CSMD1: variants seen among roughly 807,000 people sequenced by gnomAD.
CSMD1 encodes the protein CUB and sushi domain-containing protein 1.
CSMD1 carries 213 observed loss-of-function variants against 417.5 expected under a neutral mutation model. That is an observed-to-expected ratio of 0.51 (90% confidence interval 0.46 to 0.57). The LOEUF is 0.57. Among genes scored for constraint, CSMD1 ranks in the 20% least tolerant of loss-of-function variants. CSMD1 has a pLI of 0.00. For missense variants in CSMD1, 6,923 were observed against 4,529.7 expected (o/e 1.53, Z -15.17); for synonymous variants, 2,862 against 1,736.8 (o/e 1.65, Z -16.11).
intron 37 of CSMD1, among the ~76,000 whole-genome samples, chr8:3,168,659 A>C (rs2129042908): frequency 6.6e-6 from 1 of 152,260 alleles, no homozygotes; most frequent in African/African-American, 2.4e-5. Context: ...ACACAAATAT[A>C]TATATATATG....
chr8:4,728,012 T>A (rs960327294), intron 1 of CSMD1, among the ~76,000 whole-genome samples: 1 of 145,892 alleles, frequency 6.9e-6, no homozygotes, highest in Non-Finnish European at 1.5e-5. Context: ...ATATACAAAA[T>A]ATATATATAT....
chr8:3,820,745 G>T (rs766184340), intron 5 of CSMD1, among the ~76,000 whole-genome samples: 1 of 151,848 alleles, frequency 6.6e-6, no homozygotes, highest in Non-Finnish European at 1.5e-5. Flanking sequence ...CTGGCAAATT[G>T]TTGTATTTTT....
In CSMD1 at chr8:3,899,297, A is replaced by T. The variant is rs573290583; in HGVS notation, c.818+98606T>A. 3.2e-4 allele frequency among the ~76,000 whole-genome samples: 48 copies of T among 152,346 alleles called. 1 individual carries two copies. In the South Asian group the frequency reaches 9.9e-3, roughly 32 times the overall value. On this transcript the variant is annotated intron_variant, in intron 5 of 69. Transcript: ENST00000635120. ...CGCCCTGCTAAGAAATGGCACTTTCAAGTACGCTTTGCAAAAGAGGTGCTA... is the reference window on the plus strand; with the variant it reads ...CGCCCTGCTAAGAAATGGCACTTTCTAGTACGCTTTGCAAAAGAGGTGCTA...
intron 30 of CSMD1, among the ~76,000 whole-genome samples, chr8:3,209,437 C>T (rs1359985634): frequency 6.6e-6 from 1 of 152,106 alleles, no homozygotes; most frequent in East Asian, 1.9e-4. Context: ...CTGCCTCAGC[C>T]TCCCGAGTAG....
At chr8:4,584,290 A>G (rs1333508747) in intron 2 of CSMD1, among the ~76,000 whole-genome samples, 1 of 151,930 alleles carries the variant, frequency 6.6e-6, no homozygotes, top group Non-Finnish European at 1.5e-5. Context: ...CAGTGAGACA[A>G]TCGCCGAGTG....
chr8:3,447,307 A>G (rs1035545211), intron 12 of CSMD1, among the ~76,000 whole-genome samples: 1 of 151,786 alleles, frequency 6.6e-6, no homozygotes. Flanking sequence ...TGAAATAAAA[A>G]TCCTAATTCA....
chr8:3,489,168 C>T (rs534532114), intron 11 of CSMD1, among the ~76,000 whole-genome samples: 3 of 152,214 alleles, frequency 2.0e-5, no homozygotes, highest in East Asian at 1.9e-4. Flanking sequence ...CAGAAAACAA[C>T]AGGGAGAAAT....
intron 26 of CSMD1, among the ~76,000 whole-genome samples, chr8:3,281,773 G>T (rs960844557): frequency 3.9e-5 from 6 of 152,154 alleles, no homozygotes; most frequent in African/African-American, 7.2e-5. Flanking sequence ...CAAACTCATT[G>T]ATATGGTTTG....
At chr8:3,545,337 G>C (rs941236818) in intron 10 of CSMD1, among the ~76,000 whole-genome samples, 1 of 152,110 alleles carries the variant, frequency 6.6e-6, no homozygotes, top group Non-Finnish European at 1.5e-5. Context: ...ACATAAACTG[G>C]TAGCTTTATT....
intron 8 of CSMD1, among the ~76,000 whole-genome samples, chr8:3,602,287 C>A (rs746677460): frequency 1.3e-5 from 2 of 152,010 alleles, no homozygotes; most frequent in South Asian, 2.1e-4. Context: ...CCAGGAAAAC[C>A]AGATCACTTT....
intron 3 of CSMD1, among the ~76,000 whole-genome samples, chr8:4,314,797 G>C (rs1018020387): frequency 4.1e-4 from 62 of 152,138 alleles, no homozygotes; most frequent in Admixed American, 3.9e-4. Flanking sequence ...CAGCATTTAT[G>C]AATAAAGACC....
At chr8:4,022,184 G>GTATATTTATGTATA (rs1563328580) in intron 4 of CSMD1, among the ~76,000 whole-genome samples, 1 of 118,060 alleles carries the variant, frequency 8.5e-6, no homozygotes, top group African/African-American at 2.7e-5. Context: ...ATATTTATGT[G>GTATATTTATGTATA]TATATATATA....
intron 41 of CSMD1, among the ~76,000 whole-genome samples, chr8:3,135,127 G>T (rs180934893): frequency 2.6e-5 from 4 of 152,242 alleles, no homozygotes; most frequent in Non-Finnish European, 5.9e-5. Flanking sequence ...TGTTACCCAG[G>T]CTGGTCTTGA....
chr8:3,736,244 T>C (rs1295397769), intron 6 of CSMD1, among the ~76,000 whole-genome samples: 1 of 152,086 alleles, frequency 6.6e-6, no homozygotes, highest in Non-Finnish European at 1.5e-5. Context: ...TTTTTTTGTT[T>C]TGTTTTGTTT....
intron 20 of CSMD1, among the ~76,000 whole-genome samples, chr8:3,363,614 G>A (rs866880485): frequency 2.0e-5 from 3 of 152,082 alleles, no homozygotes; most frequent in African/African-American, 4.8e-5. Flanking sequence ...TGCAAGCTCC[G>A]CTTCCCGGGT....
At chr8:3,872,696 C>T (rs1018639552) in intron 5 of CSMD1, among the ~76,000 whole-genome samples, 5 of 152,134 alleles carry the variant, frequency 3.3e-5, no homozygotes, top group Admixed American at 6.5e-5. Context: ...CCTCGTGCTA[C>T]TTAGAAGGCC....
At chr8:3,182,706 T>C (rs1821438027) in intron 36 of CSMD1, among the ~76,000 whole-genome samples, 1 of 125,780 alleles carries the variant, frequency 8.0e-6, no homozygotes, top group Non-Finnish European at 1.8e-5. Flanking sequence ...TGTGTGTGTA[T>C]TGTTAGTAGA....
chr8:4,747,173 A>G (rs1935055147), intron 1 of CSMD1, among the ~76,000 whole-genome samples: 1 of 152,166 alleles, frequency 6.6e-6, no homozygotes, highest in African/African-American at 2.4e-5. Flanking sequence ...GGGGGAGAGG[A>G]AAGGAGTCCT....
At chr8:4,433,262 G>A (rs967957832) in intron 2 of CSMD1, among the ~76,000 whole-genome samples, 5 of 152,084 alleles carry the variant, frequency 3.3e-5, no homozygotes, top group Admixed American at 6.6e-5. Flanking sequence ...GAATGACCCC[G>A]AAACCATTTC....
Sources: gnomAD v4.1 joint callset for allele counts (sites outside exome capture counted in the v4.1 genomes callset) on GRCh38, gnomAD v4.1.1 for gene constraint, MANE v1.5 for transcripts, NCBI Gene and HGNC (gene_info 2026-07-23, HGNC 2026-07-21) for gene names.